The following LEPROTL1 variants were observed in gnomAD, a reference collection of about 807,000 sequenced individuals.
LEPROTL1 encodes the protein leptin receptor overlapping transcript-like 1.
A neutral mutation model predicts 15.4 loss-of-function variants in LEPROTL1; 6 were observed. The ratio of observed to expected loss-of-function variants is 0.39; its 90% confidence interval spans 0.21 to 0.77. The LOEUF is 0.77. Among genes scored for constraint, LEPROTL1 ranks in the 30% least tolerant of loss-of-function variants. The pLI, the probability that LEPROTL1 is intolerant of heterozygous loss-of-function variation, is 0.41. For missense variants in LEPROTL1, 128 were observed against 158.1 expected (o/e 0.81, Z 1.02); for synonymous variants, 56 against 52.6 (o/e 1.06, Z -0.28).
intron 3 of LEPROTL1, among the ~76,000 whole-genome samples, chr8:30,116,673 G>A (rs922222941): frequency 6.6e-6 from 1 of 152,218 alleles, no homozygotes; most frequent in East Asian, 1.9e-4. Flanking sequence ...TGTCTTACGT[G>A]ATAAATGTCC....
At chr8:30,101,673 A>C (rs1223135622) in intron 1 of LEPROTL1, among the ~76,000 whole-genome samples, 1 of 145,806 alleles carries the variant, frequency 6.9e-6, no homozygotes, top group Non-Finnish European at 1.5e-5. Context: ...CATCTCACAA[A>C]AAAAAAAAAA....
At chr8:30,115,575 CGG>C (rs1802729145) in intron 3 of LEPROTL1, among the ~76,000 whole-genome samples, 2 of 68,288 alleles carry the variant, frequency 2.9e-5, no homozygotes, top group Admixed American at 4.7e-4. Context: ...TTTGTAGAGA[CGG>C]GGTTTCACCA....
chr8:30,095,715 G>A (rs2117468430), intron 1 of LEPROTL1, 187 bp downstream of exon 1: 1 of 687,622 alleles, frequency 1.5e-6, no homozygotes. Flanking sequence ...TCGGGCAACG[G>A]ACGGTTGCGA....
At chr8:30,109,779 G>A (rs1232667310), downstream of LEPROTL1, among the ~76,000 whole-genome samples, 1 of 152,024 alleles carries the variant, frequency 6.6e-6, no homozygotes, top group Non-Finnish European at 1.5e-5. Context: ...GTACATCAGT[G>A]GACTTAATTA....
chr8:30,104,787 A>G (rs1802534265), intron 3 of LEPROTL1: 1 of 172,448 alleles, frequency 5.8e-6, no homozygotes, highest in Non-Finnish European at 1.1e-5. Context: ...ATCTCACCTC[A>G]CTGCAAGCTC....
chr8:30,116,441 A>G (rs942479039), intron 3 of LEPROTL1, among the ~76,000 whole-genome samples: 1 of 152,148 alleles, frequency 6.6e-6, no homozygotes, highest in Non-Finnish European at 1.5e-5. Context: ...AGATTCTCAT[A>G]AGGAGCGCGC....
chr8:30,115,674 A>G (rs1442605208), intron 3 of LEPROTL1, among the ~76,000 whole-genome samples: 1 of 151,822 alleles, frequency 6.6e-6, no homozygotes, highest in African/African-American at 2.4e-5. Context: ...AGCAAAATAT[A>G]TAAACAGGCA....
chr8:30,131,899 T>G, intron 3 of LEPROTL1: 1 of 1,501,680 alleles, frequency 6.7e-7, no homozygotes, highest in African/African-American at 1.4e-5. Flanking sequence ...TGGCACTTTC[T>G]AAAATGTTTC....
At chr8:30,119,370 CTCTT>C (rs1240232733) in intron 3 of LEPROTL1, among the ~76,000 whole-genome samples, 11 of 152,328 alleles carry the variant, frequency 7.2e-5, no homozygotes, top group African/African-American at 2.2e-4. Context: ...AGTCTGATCT[CTCTT>C]TCTTTTCCCT....
intron 1 of LEPROTL1, 74 bp downstream of exon 1, chr8:30,095,602 C>G: frequency 8.4e-7 from 1 of 1,196,136 alleles, no homozygotes; most frequent in Non-Finnish European, 1.1e-6. Context: ...CACGCGGCCC[C>G]CGCACTTCCC....
rs945911055 is a variant in LEPROTL1 at position 30,099,622 on chromosome 8, A to C, written c.17-2276A>C. 1.6e-3 allele frequency among the ~76,000 whole-genome samples: 241 copies of C among 148,528 alleles called. 1 individual carries two copies. Among genetic ancestry groups the C allele is most frequent in the Non-Finnish European group, 1.9e-3 (128 of 67,532 alleles). ...TTTAAAAAAAAAAAAAAAAAAAAAA[A>C]AAACCAGCAAAAAAACACTTCACTG... On this transcript the variant is annotated intron_variant, in intron 1 of 3. Transcript: ENST00000321250.
At chr8:30,137,812 C>T (rs1237691446), downstream of LEPROTL1, 3 of 334,242 alleles carry the variant, frequency 9.0e-6, no homozygotes, top group Non-Finnish European at 1.7e-5. Context: ...GTAGGATTAA[C>T]AAATTAGCCG....
At chr8:30,105,665 A>G (rs1585465323) in intron 3 of LEPROTL1, 81 bp from the exon 4 acceptor site, 3 of 1,184,306 alleles carry the variant, frequency 2.5e-6, no homozygotes, top group Non-Finnish European at 3.6e-6. Flanking sequence ...CATAATTGGG[A>G]TACAACTAGA....
At chr8:30,100,288 G>A (rs1802443860) in intron 1 of LEPROTL1, among the ~76,000 whole-genome samples, 1 of 152,082 alleles carries the variant, frequency 6.6e-6, no homozygotes, top group Non-Finnish European at 1.5e-5. Flanking sequence ...CTCTATGTTA[G>A]CCTTTGTTTT....
chr8:30,122,287 CT>C (rs1381817350), intron 3 of LEPROTL1, among the ~76,000 whole-genome samples: 44 of 152,200 alleles, frequency 2.9e-4, no homozygotes, highest in African/African-American at 9.4e-4. Context: ...AATTGGACCC[CT>C]ACTTCACTCT....
downstream of LEPROTL1, among the ~76,000 whole-genome samples, chr8:30,112,884 A>G (rs1802675881): frequency 6.6e-6 from 1 of 151,988 alleles, no homozygotes; most frequent in Non-Finnish European, 1.5e-5. Flanking sequence ...CTCTTTTAAG[A>G]GGGCAAACTT....
intron 3 of LEPROTL1, among the ~76,000 whole-genome samples, chr8:30,129,711 T>TCTCA (rs757804315): frequency 0.019 from 2,494 of 128,290 alleles, 23 homozygotes; most frequent in Non-Finnish European, 0.031. Context: ...TGAGACCCTG[T>TCTCA]CACACACACA....
At chr8:30,104,637 G>T in intron 3 of LEPROTL1, 151 bp downstream of exon 3, 3 of 444,826 alleles carry the variant, frequency 6.7e-6, no homozygotes. Context: ...GTTTGTTCTT[G>T]TTAACTAATA....
intron 3 of LEPROTL1, among the ~76,000 whole-genome samples, chr8:30,123,279 A>G (rs1668189191): frequency 6.6e-6 from 1 of 152,182 alleles, no homozygotes; most frequent in African/African-American, 2.4e-5. Context: ...TGGTCAACCC[A>G]GTTGTGTAAA....
Sources: allele counts gnomAD v4.1 joint callset (sites outside exome capture counted in the v4.1 genomes callset), GRCh38; gene constraint gnomAD v4.1.1; transcripts MANE v1.5; gene names NCBI Gene and HGNC (gene_info 2026-07-23, HGNC 2026-07-21).